Variants in LGSN observed in about 807,000 individuals in gnomAD.
LGSN encodes lengsin.
LGSN carries 21 observed loss-of-function variants against 19.5 expected under a neutral mutation model. The observed-to-expected ratio is 1.07, with a 90% CI of 0.76 to 1.55. The LOEUF (loss-of-function observed/expected upper bound fraction) is 1.55, where lower values mean the gene tolerates loss of function less well. Ranked by LOEUF, LGSN falls within the 40% of genes most tolerant of loss-of-function variation. LGSN has a pLI of 0.00. For synonymous variants in LGSN, 257 were observed against 215.6 expected (o/e 1.19, Z -1.68); for missense variants, 673 against 608.5 (o/e 1.11, Z -1.12).
the LGSN span, among the ~76,000 whole-genome samples, chr6:63,424,569 C>T: frequency 6.0e-5 from 9 of 150,932 alleles, no homozygotes; most frequent in Admixed American, 5.9e-4. Flanking sequence ...TAAACCAGTA[C>T]TTGCAGAATA....
At chr6:63,365,319 A>C in the LGSN span, among the ~76,000 whole-genome samples, 1 of 152,234 alleles carries the variant, frequency 6.6e-6, no homozygotes, top group Non-Finnish European at 1.5e-5. Context: ...CTCCACGCAA[A>C]TAAACTAGAA....
chr6:63,564,255 G>A, the LGSN span, among the ~76,000 whole-genome samples: 2 of 147,680 alleles, frequency 1.4e-5, no homozygotes, highest in Non-Finnish European at 1.5e-5. Context: ...CAGCCTGGGT[G>A]ACAGAGCGAG....
At chr6:63,349,826 T>C in the LGSN span, among the ~76,000 whole-genome samples, 1 of 152,188 alleles carries the variant, frequency 6.6e-6, no homozygotes, top group Non-Finnish European at 1.5e-5. Context: ...GCTCAAGTTA[T>C]CATAAGACTG....
chr6:63,539,688 G>A, the LGSN span, among the ~76,000 whole-genome samples: 1 of 151,998 alleles, frequency 6.6e-6, no homozygotes, highest in Non-Finnish European at 1.5e-5. Flanking sequence ...GGAATTGCTT[G>A]AACCCGGGAG....
intron 1 of LGSN, among the ~76,000 whole-genome samples, chr6:63,318,455 C>A (rs778805820): frequency 6.6e-6 from 1 of 152,128 alleles, no homozygotes. Flanking sequence ...CCTGAGAATG[C>A]GAACCTATAC....
At chr6:63,516,126 G>C in the LGSN span, among the ~76,000 whole-genome samples, 3 of 152,086 alleles carry the variant, frequency 2.0e-5, no homozygotes, top group Non-Finnish European at 2.9e-5. Flanking sequence ...GAACAGCAAA[G>C]CATATTTTAA....
At chr6:63,389,028 C>CA in the LGSN span, among the ~76,000 whole-genome samples, 3 of 151,842 alleles carry the variant, frequency 2.0e-5, no homozygotes, top group South Asian at 2.1e-4. Flanking sequence ...ATGAGGAAGA[C>CA]AAAAAGGGAA....
the LGSN span, among the ~76,000 whole-genome samples, chr6:63,472,085 TG>T: frequency 6.6e-6 from 1 of 152,356 alleles, no homozygotes; most frequent in East Asian, 1.9e-4. Context: ...CTTTCTGATT[TG>T]CCTCCTTGTA....
the LGSN span, among the ~76,000 whole-genome samples, chr6:63,374,922 A>G: frequency 6.6e-6 from 1 of 152,216 alleles, no homozygotes; most frequent in African/African-American, 2.4e-5. Context: ...AATAAAAGGA[A>G]ATTGTGACTG....
the LGSN span, among the ~76,000 whole-genome samples, chr6:63,439,332 G>A: frequency 6.6e-6 from 1 of 151,836 alleles, no homozygotes; most frequent in Admixed American, 6.6e-5. Context: ...TTGTGCACAT[G>A]TACCCTAAAA....
chr6:63,542,806 A>G, the LGSN span, among the ~76,000 whole-genome samples: 4 of 152,010 alleles, frequency 2.6e-5, no homozygotes, highest in African/African-American at 9.7e-5. Context: ...CCATTGCTCT[A>G]TATGCAAAAT....
the LGSN span, among the ~76,000 whole-genome samples, chr6:63,426,494 G>C: frequency 2.6e-3 from 387 of 149,340 alleles, 3 homozygotes; most frequent in African/African-American, 9.4e-3. Context: ...GCTGCATAAA[G>C]TTATTTAGAT....
the LGSN span, among the ~76,000 whole-genome samples, chr6:63,415,568 C>T: frequency 3.3e-5 from 5 of 152,176 alleles, no homozygotes; most frequent in Admixed American, 6.5e-5. Flanking sequence ...ATGGCATGGG[C>T]GAAAGCGCCC....
At chr6:63,421,155 C>T in the LGSN span, among the ~76,000 whole-genome samples, 1 of 152,148 alleles carries the variant, frequency 6.6e-6, no homozygotes, top group South Asian at 2.1e-4. Flanking sequence ...GGCACAGTGG[C>T]TCGTGCCTGT....
intron 1 of LGSN, among the ~76,000 whole-genome samples, chr6:63,311,292 A>G (rs1043334109): frequency 2.0e-5 from 3 of 152,180 alleles, no homozygotes; most frequent in African/African-American, 7.2e-5. Flanking sequence ...CTGTACTTTA[A>G]GTTTTCAGTC....
the LGSN span, among the ~76,000 whole-genome samples, chr6:63,334,946 G>A: frequency 2.5e-4 from 38 of 151,660 alleles, no homozygotes; most frequent in Non-Finnish European, 4.6e-4. Flanking sequence ...AGACCAGCCT[G>A]ACCAACATGG....
chr6:63,305,015 A>G (rs530003118), intron 1 of LGSN, among the ~76,000 whole-genome samples: 2 of 152,308 alleles, frequency 1.3e-5, no homozygotes, highest in East Asian at 3.9e-4. Flanking sequence ...ATGGAAGACC[A>G]TTGTTCTGGA....
the LGSN span, among the ~76,000 whole-genome samples, chr6:63,360,598 G>A: frequency 6.6e-6 from 1 of 152,138 alleles, no homozygotes; most frequent in Non-Finnish European, 1.5e-5. Context: ...CCATGGGTTC[G>A]AACTTCCTCC....
chr6:63,549,201 C>A, the LGSN span: 1 of 705,888 alleles, frequency 1.4e-6, no homozygotes, highest in Non-Finnish European at 2.6e-6. Context: ...AGTCTCTGAT[C>A]TGTACTTGTG....
Sources: allele counts gnomAD v4.1 joint callset (sites outside exome capture counted in the v4.1 genomes callset), GRCh38; gene constraint gnomAD v4.1.1; transcripts MANE v1.5; gene names NCBI Gene and HGNC (gene_info 2026-07-23, HGNC 2026-07-21).